The following RBMS3 variants were observed in gnomAD, a reference collection of about 807,000 sequenced individuals.
The protein encoded by RBMS3 is RNA binding motif single stranded interacting protein 3.
Under a neutral mutation model 66.8 loss-of-function variants are expected in RBMS3, and 27 were observed. That is an observed-to-expected ratio of 0.40 (90% CI 0.30 to 0.56). The LOEUF is 0.56. Ranked by LOEUF, RBMS3 falls within the 20% of genes least tolerant of loss-of-function variation. RBMS3 has a pLI of 0.40. For missense variants in RBMS3, 513 were observed against 549.5 expected, an observed-to-expected ratio of 0.93 and a Z score of 0.66; for synonymous variants, 188 against 183.0, an observed-to-expected ratio of 1.03 and a Z score of -0.22.
intron 1 of RBMS3, 30 bp downstream of exon 1, chr3:29,281,786 G>T (rs756901335): frequency 2.5e-6 from 4 of 1,574,504 alleles, no homozygotes; most frequent in Non-Finnish European, 3.5e-6. Context: ...CTGGCGATCA[G>T]CGTGGTATCG....
intron 4 of RBMS3, among the ~76,000 whole-genome samples, chr3:29,629,820 G>C (rs1023915123): frequency 6.6e-6 from 1 of 152,050 alleles, no homozygotes; most frequent in Admixed American, 6.6e-5. Flanking sequence ...TGACAAGGCT[G>C]CTATCTATTC....
chr3:29,350,516 C>T (rs931023762), intron 1 of RBMS3, among the ~76,000 whole-genome samples: 12 of 152,038 alleles, frequency 7.9e-5, no homozygotes, highest in South Asian at 2.1e-4. Flanking sequence ...CTTCATGTGA[C>T]GAAATTGCCC....
At chr3:29,886,101 G>A (rs9816741) in intron 8 of RBMS3, among the ~76,000 whole-genome samples, 3,134 of 151,462 alleles carry the variant, frequency 0.021, 103 homozygotes, top group African/African-American at 0.072. Context: ...TTACATCTTC[G>A]AAAATAAAGA....
At chr3:29,586,742 A>T (rs1047863094) in intron 3 of RBMS3, among the ~76,000 whole-genome samples, 1 of 148,838 alleles carries the variant, frequency 6.7e-6, no homozygotes, top group Non-Finnish European at 1.5e-5. Flanking sequence ...TTGAAAATTA[A>T]CTTTAGGGAG....
intron 6 of RBMS3, chr3:29,767,383 A>G (rs529793250): frequency 6.7e-6 from 1 of 150,272 alleles, no homozygotes; most frequent in African/African-American, 2.4e-5. Context: ...AACTTCTGGT[A>G]TGCTTTCCTT....
At chr3:29,834,285 A>G (rs13084217) in intron 6 of RBMS3, among the ~76,000 whole-genome samples, 62,338 of 151,624 alleles carry the variant, frequency 0.41, 13,280 homozygotes, top group Non-Finnish European at 0.47. Flanking sequence ...GTAAATATAT[A>G]AGCAAATTCA....
intron 4 of RBMS3, among the ~76,000 whole-genome samples, chr3:29,658,220 G>T (rs2149223819): frequency 6.6e-6 from 1 of 152,272 alleles, no homozygotes; most frequent in Non-Finnish European, 1.5e-5. Context: ...ATGGCCGGTA[G>T]AAAACACTTG....
chr3:29,294,772 T>G (rs1365328782), intron 1 of RBMS3, among the ~76,000 whole-genome samples: 1 of 151,774 alleles, frequency 6.6e-6, no homozygotes, highest in Non-Finnish European at 1.5e-5. Context: ...TCCATCTTTT[T>G]GTCAATTTTG....
chr3:29,806,379 G>T (rs1007067665), intron 6 of RBMS3, among the ~76,000 whole-genome samples: 4 of 151,956 alleles, frequency 2.6e-5, no homozygotes, highest in Admixed American at 2.6e-4. Context: ...ACAGACACAG[G>T]TAGCCTGATC....
At chr3:29,997,597 G>T (rs1444854478) in intron 14 of RBMS3, among the ~76,000 whole-genome samples, 3 of 151,058 alleles carry the variant, frequency 2.0e-5, no homozygotes, top group East Asian at 1.9e-4. Flanking sequence ...ATCCCTGGGA[G>T]GCAAGGCTGG....
At chr3:29,822,460 C>G (rs1175575703) in intron 6 of RBMS3, among the ~76,000 whole-genome samples, 1 of 152,152 alleles carries the variant, frequency 6.6e-6, no homozygotes, top group Admixed American at 6.6e-5. Flanking sequence ...TATTACACTG[C>G]ACTTTCTTGG....
chr3:29,704,982 A>G (rs1327837468), intron 4 of RBMS3, among the ~76,000 whole-genome samples: 1 of 152,242 alleles, frequency 6.6e-6, no homozygotes, highest in Admixed American at 6.5e-5. Flanking sequence ...GATCACTGGC[A>G]TAATTAAACT....
Position 29,842,438 on chromosome 3 carries a change from G to T in RBMS3, c.638-26420G>T, listed in dbSNP as rs556814378. 5.3e-5 allele frequency among the ~76,000 whole-genome samples: 8 copies of T among 151,972 alleles called. No individual in the cohort carries two copies. In the South Asian group the frequency reaches 1.7e-3, roughly 32 times the overall value. On this transcript the variant is annotated intron_variant, in intron 6 of 14. Transcript: ENST00000383767. ...CTCACCTTTTTAGAGTGTTTCTACC[G>T]CACACAAGACCTTATATGAAACGAT... is the stretch of plus-strand genomic sequence containing the variant.
intron 12 of RBMS3, among the ~76,000 whole-genome samples, chr3:29,962,160 T>A (rs1172130410): frequency 1.3e-5 from 2 of 150,124 alleles, no homozygotes; most frequent in Admixed American, 1.3e-4. Context: ...ACTGACATAA[T>A]TTCACTTAGG....
intron 6 of RBMS3, among the ~76,000 whole-genome samples, chr3:29,828,976 GACTTTCTT>G (rs2058280951): frequency 6.9e-6 from 1 of 145,948 alleles, no homozygotes; most frequent in Admixed American, 6.9e-5. Context: ...GTTAGCGAGT[GACTTTCTT>G]TCTTTCTTTC....
At chr3:29,455,684 T>A (rs2042164442) in intron 2 of RBMS3, among the ~76,000 whole-genome samples, 1 of 152,116 alleles carries the variant, frequency 6.6e-6, no homozygotes, top group African/African-American at 2.4e-5. Context: ...AAAGCTTATC[T>A]AATACACATA....
intron 4 of RBMS3, among the ~76,000 whole-genome samples, chr3:29,715,586 C>A (rs535631189): frequency 1.3e-5 from 2 of 152,230 alleles, no homozygotes; most frequent in Admixed American, 6.5e-5. Flanking sequence ...CTATTGACAG[C>A]GTCTTCCCTT....
chr3:29,685,672 G>A (rs955614023), intron 4 of RBMS3, among the ~76,000 whole-genome samples: 6 of 152,282 alleles, frequency 3.9e-5, no homozygotes, highest in Non-Finnish European at 2.9e-5. Flanking sequence ...GGAACTGTGC[G>A]ACTCGACCTG....
chr3:29,843,841 C>T (rs28669044), intron 6 of RBMS3, among the ~76,000 whole-genome samples: 2,339 of 151,782 alleles, frequency 0.015, 51 homozygotes, highest in African/African-American at 0.052. Flanking sequence ...ACCAGCTACC[C>T]GGGAGGCTGA....
Sources: gnomAD v4.1 joint callset for allele counts (sites outside exome capture counted in the v4.1 genomes callset) on GRCh38, gnomAD v4.1.1 for gene constraint, MANE v1.5 for transcripts, NCBI Gene and HGNC (gene_info 2026-07-23, HGNC 2026-07-21) for gene names.